Variants in SORCS3 observed in about 807,000 individuals in gnomAD.
SORCS3 encodes the protein VPS10 domain-containing receptor SorCS3.
SORCS3 carries 57 observed loss-of-function variants against 146.3 expected under a neutral mutation model. The ratio of observed to expected loss-of-function variants is 0.39; its 90% CI spans 0.31 to 0.49. SORCS3 has a LOEUF of 0.49. Among genes scored for constraint, SORCS3 ranks in the 20% least tolerant of loss-of-function variants. The pLI is 0.92. For synonymous variants in SORCS3, 653 were observed against 618.5 expected (o/e 1.06, Z -0.83); for missense variants, 1,341 against 1,575.5 (o/e 0.85, Z 2.52).
intron 8 of SORCS3, among the ~76,000 whole-genome samples, chr10:105,142,495 A>G (rs939363550): frequency 6.6e-6 from 1 of 152,206 alleles, no homozygotes; most frequent in Non-Finnish European, 1.5e-5. Context: ...GCTCAAACTT[A>G]AAACCAGCTT....
chr10:104,641,303 C>A lies in SORCS3; in HGVS notation c.-25C>A. ...TCGGCGGGCGCCACACACTCGGCAGCCCGAGCCGCGGTAGCCGCAGCGGGA... is the reference window on the plus strand; with the variant it reads ...TCGGCGGGCGCCACACACTCGGCAGACCGAGCCGCGGTAGCCGCAGCGGGA... On this transcript the variant is annotated 5_prime_UTR_variant, in exon 1 of 27. Transcript: ENST00000369701. This position sits in a 1 kb window ranked among gnomAD's most constrained non-coding sequence, Gnocchi z 6.4. 1 of 1,274,554 alleles carries A rather than the reference C, an allele frequency of 7.8e-7. No homozygotes were observed. Among genetic ancestry groups the A allele is most frequent in the South Asian group, 2.6e-5 (1 of 38,556 alleles). The allele number at this position is 1,274,554 out of a possible 1,614,324, so 79.0% of individuals were successfully genotyped here.
At chr10:104,706,845 CTT>C (rs1307058787) in intron 1 of SORCS3, among the ~76,000 whole-genome samples, 1 of 152,142 alleles carries the variant, frequency 6.6e-6, no homozygotes, top group East Asian at 1.9e-4. Flanking sequence ...TCTATAATGA[CTT>C]TTTCTTCTAA....
At chr10:105,099,585 T>G (rs1212747675) in intron 6 of SORCS3, among the ~76,000 whole-genome samples, 2 of 152,180 alleles carry the variant, frequency 1.3e-5, no homozygotes, top group Admixed American at 6.6e-5. Context: ...GAAAAGTGGC[T>G]AAGATTTTAT....
At chr10:105,212,966 G>A (rs1457627070) in intron 17 of SORCS3, among the ~76,000 whole-genome samples, 1 of 152,122 alleles carries the variant, frequency 6.6e-6, no homozygotes, top group Non-Finnish European at 1.5e-5. Flanking sequence ...CATTAAAAAT[G>A]TAAAAAATAA....
At chr10:104,906,456 A>G (rs2133593628) in intron 2 of SORCS3, among the ~76,000 whole-genome samples, 1 of 152,316 alleles carries the variant, frequency 6.6e-6, no homozygotes, top group Non-Finnish European at 1.5e-5. Flanking sequence ...TGTGTGAGGC[A>G]GTTTCTCCTT....
At chr10:105,044,210 A>G (rs2055354826) in intron 5 of SORCS3, among the ~76,000 whole-genome samples, 2 of 152,092 alleles carry the variant, frequency 1.3e-5, no homozygotes, top group South Asian at 4.2e-4. Flanking sequence ...CTCTACAAAT[A>G]AATAAAAAAT....
intron 6 of SORCS3, among the ~76,000 whole-genome samples, chr10:105,095,980 A>G (rs1448380666): frequency 6.6e-6 from 1 of 152,188 alleles, no homozygotes; most frequent in East Asian, 1.9e-4. Flanking sequence ...AAATATTAAT[A>G]TAGAAATTTG....
chr10:105,187,840 A>T (rs1308768889), intron 14 of SORCS3, among the ~76,000 whole-genome samples: 1 of 152,234 alleles, frequency 6.6e-6, no homozygotes, highest in Non-Finnish European at 1.5e-5. Flanking sequence ...TAAACAAAAT[A>T]GTCAGGGTCA....
At chr10:105,201,274 T>C (rs768876607) in intron 16 of SORCS3, 21 bp downstream of exon 16, 11 of 1,596,258 alleles carry the variant, frequency 6.9e-6, no homozygotes, top group Non-Finnish European at 7.7e-6. Flanking sequence ...TGGCATTTCA[T>C]TACCAATTCC....
chr10:104,869,794 G>A (rs897620854), intron 2 of SORCS3, among the ~76,000 whole-genome samples: 2 of 152,182 alleles, frequency 1.3e-5, no homozygotes, highest in Non-Finnish European at 2.9e-5. Context: ...CATCCTTCTG[G>A]CTAGGTTGTC....
chr10:104,808,037 A>G (rs536365829), intron 1 of SORCS3, among the ~76,000 whole-genome samples: 5 of 152,306 alleles, frequency 3.3e-5, no homozygotes, highest in African/African-American at 1.2e-4. Flanking sequence ...TGAGGGAAAC[A>G]TTTGCAGTAA....
At chr10:104,878,143 A>G (rs1469657449) in intron 2 of SORCS3, among the ~76,000 whole-genome samples, 4 of 152,106 alleles carry the variant, frequency 2.6e-5, no homozygotes, top group Admixed American at 2.6e-4. Flanking sequence ...AGATTTTCAC[A>G]ATTTATTCAA....
intron 20 of SORCS3, among the ~76,000 whole-genome samples, chr10:105,224,963 C>A (rs965748579): frequency 1.3e-5 from 2 of 151,972 alleles, no homozygotes; most frequent in African/African-American, 4.8e-5. Context: ...TTTAATAATT[C>A]TTTGTATATT....
chr10:104,929,971 TC>T (rs1210163927), intron 3 of SORCS3, among the ~76,000 whole-genome samples: 1 of 152,084 alleles, frequency 6.6e-6, no homozygotes, highest in African/African-American at 2.4e-5. Context: ...CAGTGACTGA[TC>T]CTAAAGAAAT....
chr10:105,137,991 C>T (rs2119446121), intron 7 of SORCS3, among the ~76,000 whole-genome samples: 1 of 151,500 alleles, frequency 6.6e-6, no homozygotes, highest in East Asian at 1.9e-4. Flanking sequence ...TCAGAGCAAC[C>T]TATTGATCTT....
rs557625099 is a variant in SORCS3, at chr10:105,100,442, C to A, written c.1094-4955C>A. On this transcript the variant is annotated intron_variant, in intron 6 of 26. Coordinates refer to ENST00000369701, the MANE Select transcript of SORCS3 (RefSeq NM_014978.3). ...TTCAAGAATAAGAATTAATCAAAGT[C>A]AATTCATTAACATGCAAGTATGTCA... Among the ~76,000 whole-genome samples, 5 of 152,284 alleles carry A rather than the reference C, an allele frequency of 3.3e-5. No homozygotes were observed. In the East Asian group the frequency reaches 7.7e-4, roughly 24 times the overall value.
intron 16 of SORCS3, among the ~76,000 whole-genome samples, chr10:105,210,426 C>T (rs1307871213): frequency 6.6e-6 from 1 of 152,150 alleles, no homozygotes; most frequent in Admixed American, 6.5e-5. Flanking sequence ...TATTGTTCTT[C>T]TACTTTGACA....
At chr10:105,003,461 A>T (rs2055073517) in intron 4 of SORCS3, among the ~76,000 whole-genome samples, 1 of 152,032 alleles carries the variant, frequency 6.6e-6, no homozygotes, top group South Asian at 2.1e-4. Context: ...TTGAACTAGA[A>T]TGTCCCCGAA....
At chr10:105,177,197 T>C (rs2056411613) in intron 13 of SORCS3, among the ~76,000 whole-genome samples, 1 of 151,988 alleles carries the variant, frequency 6.6e-6, no homozygotes, top group South Asian at 2.1e-4. Context: ...GGAATTTTAA[T>C]CCTAAATTAT....
Sources: allele counts gnomAD v4.1 joint callset (sites outside exome capture counted in the v4.1 genomes callset), GRCh38; gene constraint gnomAD v4.1.1; non-coding constraint Gnocchi (gnomAD v3.1); transcripts MANE v1.5; gene names NCBI Gene and HGNC (gene_info 2026-07-23, HGNC 2026-07-21).